DSG4: variants seen among roughly 807,000 people sequenced by gnomAD.
The protein encoded by DSG4 is desmoglein-4.
In DSG4, 87 loss-of-function variants were observed where a neutral mutation model predicts 93.1. The ratio of observed to expected loss-of-function variants is 0.93; its 90% CI spans 0.79 to 1.12. The LOEUF is 1.12. DSG4 is among the 50% of genes most tolerant of loss of function. The probability of loss-of-function intolerance (pLI) is 0.00; values close to 1 mark genes in which losing one functional copy is unlikely to be tolerated. For synonymous variants in DSG4, 432 were observed against 452.9 expected (o/e 0.95, Z 0.59); for missense variants, 1,373 against 1,285.7 (o/e 1.07, Z -1.04).
chr18:31,382,546 A>C (rs1317342190), intron 1 of DSG4: 2 of 152,214 alleles, frequency 1.3e-5, no homozygotes, highest in Non-Finnish European at 2.9e-5. Context: ...TGTGCACTTT[A>C]GGAGGCTGAT....
chr18:31,410,635 C>G (rs1173095122), intron 14 of DSG4, among the ~76,000 whole-genome samples: 1 of 152,074 alleles, frequency 6.6e-6, no homozygotes, highest in Non-Finnish European at 1.5e-5. Flanking sequence ...TCCTATCTTA[C>G]CAGCCCCACG....
At chr18:31,382,566 T>C (rs971442038) in intron 1 of DSG4, 2 of 152,266 alleles carry the variant, frequency 1.3e-5, no homozygotes, top group African/African-American at 4.8e-5. Flanking sequence ...TGTCATTCCA[T>C]GCTTCTTCCA....
At position 31,414,283 on chromosome 18, in the gene DSG4, A is replaced by G. The variant is rs2072531974; in HGVS notation, c.*688A>G. 2 of 151,820 alleles carry G rather than the reference A, an allele frequency of 1.3e-5. No homozygotes were observed. Among genetic ancestry groups the G allele is most frequent in the Admixed American group, 6.5e-5 (1 of 15,272 alleles). The allele number at this position is 151,820 out of a possible 1,614,324, so 9.4% of individuals were successfully genotyped here. A position where few individuals can be genotyped will look rare whatever the true frequency, so the allele number is the denominator to read the frequency against. ...ATGATTAACTGTAAATTAATCTAGAATAGCAAAAAAAAATGACAATCCTAA... is the reference window on the plus strand; with the variant it reads ...ATGATTAACTGTAAATTAATCTAGAGTAGCAAAAAAAAATGACAATCCTAA... On this transcript the variant is annotated 3_prime_UTR_variant, in exon 16 of 16. Coordinates refer to ENST00000308128, the MANE Select transcript of DSG4 (RefSeq NM_177986.5).
At position 31,409,341 on chromosome 18, in the gene DSG4, G is replaced by T. The variant is rs1003283171; in HGVS notation, c.1934-111G>T. 20 of 1,503,052 alleles carry T rather than the reference G, an allele frequency of 1.3e-5. No homozygotes were observed. In the African/African-American group the frequency reaches 2.2e-4, roughly 17 times the overall value. 93.1% of individuals were successfully genotyped at this position (1,503,052 alleles called of 1,614,324 possible). On this transcript the variant is annotated intron_variant, in intron 12 of 15. Coordinates refer to ENST00000308128, the MANE Select transcript of DSG4 (RefSeq NM_177986.5). The stretch of plus-strand genomic sequence containing the variant: ...AAATGAGATTTTCTTACATATATTT[G>T]TATTTTTGTTCTAAATATACTGCCA...
Position 31,392,268 on chromosome 18 carries a change from T to C in DSG4, c.933T>C (p.Ser311=). ...DNWLAQYLIL[S]GNDGNWFDIQ... ...GGTTGGCTCAATATTTAATTCTCTC[T>C]GGAAATGATGGGAATTGGTTCGATA... Residue 311 remains serine, a synonymous_variant, in exon 8 of 16, where the codon TCT becomes TCC. Transcript: ENST00000308128. 6.2e-7 allele frequency: 1 copy of C among 1,613,792 alleles called. No homozygotes were observed. Among genetic ancestry groups the C allele is most frequent in the East Asian group, 2.2e-5 (1 of 44,776 alleles).
chr18:31,380,027 T>A (rs2072117411), intron 1 of DSG4, among the ~76,000 whole-genome samples: 1 of 152,200 alleles, frequency 6.6e-6, no homozygotes. Context: ...GGCTAAGGAA[T>A]TACTAAATGT....
chr18:31,400,689 T>A (rs1036350028), intron 9 of DSG4, among the ~76,000 whole-genome samples, 192 bp from the exon 10 acceptor site: 2 of 152,194 alleles, frequency 1.3e-5, no homozygotes, highest in African/African-American at 4.8e-5. Context: ...TTTTAAAACT[T>A]GCAGACCTGT....
intron 3 of DSG4, among the ~76,000 whole-genome samples, chr18:31,387,286 G>C (rs915262253): frequency 3.3e-5 from 5 of 152,144 alleles, no homozygotes; most frequent in African/African-American, 7.2e-5. Flanking sequence ...TACTGAAAAG[G>C]AAGGAGAGTT....
In DSG4 at chr18:31,413,061, A is replaced by C. The variant is rs148491546; in HGVS notation, c.2589A>C (p.Pro863=). Residue 863 remains proline (P), a synonymous_variant, in exon 16 of 16, where the codon CCA becomes CCC. Transcript: ENST00000308128. ...EPFPSHQACI[P]ISTDLPLLGP... Reference sequence around the variant, plus strand: ...TTCCTTCACACCAGGCTTGTATACCAATCAGTACTGACCTCCCTTTGCTCG... The same window carrying C: ...TTCCTTCACACCAGGCTTGTATACCCATCAGTACTGACCTCCCTTTGCTCG... 979 of 1,614,208 alleles carry C rather than the reference A, an allele frequency of 6.1e-4. 8 individuals are homozygous for C. The East Asian group carries it at 0.013, about 21-fold the overall frequency.
Position 31,411,340 on chromosome 18 carries a change from C to G in DSG4, c.2247C>G (p.Ala749=), listed in dbSNP as rs1272587196. The change falls in exon 15 of 16, where the codon GCC becomes GCG. Residue 749 remains alanine (A), a synonymous_variant. Coordinates refer to ENST00000308128, the MANE Select transcript of DSG4 (RefSeq NM_177986.5). ...CCGTTGGCCTCATGGCCGCAGGGGC[C>G]GCAGGAGCCTCAGGGGCCGCAAGGA... The part of the protein sequence containing the change: ...GTAVGLMAAG[A]AGASGAARKR... 1 of 1,614,052 alleles carries G rather than the reference C, an allele frequency of 6.2e-7. No individual in the cohort carries two copies. Among genetic ancestry groups the G allele is most frequent in the African/African-American group, 1.3e-5 (1 of 74,986 alleles).
intron 11 of DSG4, among the ~76,000 whole-genome samples, chr18:31,404,934 A>T (rs1237653364): frequency 6.6e-5 from 10 of 152,224 alleles, no homozygotes; most frequent in Admixed American, 6.5e-4. Flanking sequence ...CAGGTTTGCC[A>T]ATAAAAAATA....
Position 31,392,388 on chromosome 18 carries a change from A to C in DSG4, c.1005+48A>C, listed in dbSNP as rs1410207805. ...ATTTTCTTCCAAAATATTTTATTCC[A>C]AAGAAGTTTTAAATGACCTTAGAGA... is the stretch of plus-strand genomic sequence containing the variant. On this transcript the variant is annotated intron_variant, in intron 8 of 15. Transcript: ENST00000308128. The C allele has an allele frequency of 1.9e-6, 3 of 1,593,590 alleles. No individual in the cohort carries two copies. In the Admixed American group the frequency reaches 5.1e-5, roughly 27 times the overall value.
In DSG4 at chr18:31,406,375, T is replaced by G; in HGVS notation, c.1933+2T>G. ...TTCTGGGCATCCTGCTACTGATTTG[T>G]AAGTACTCAATTAAATCCTTCTTTT... On this transcript the variant is annotated splice_donor_variant, in intron 12 of 15. Transcript: ENST00000308128. LOFTEE classifies it high-confidence loss of function. The G allele has an allele frequency of 6.2e-7, 1 of 1,614,156 alleles. No individual in the cohort carries two copies. Among genetic ancestry groups the G allele is most frequent in the East Asian group, 2.2e-5 (1 of 44,888 alleles).
intron 1 of DSG4, among the ~76,000 whole-genome samples, chr18:31,377,478 A>T (rs1257068201): frequency 6.6e-6 from 1 of 152,226 alleles, no homozygotes; most frequent in Non-Finnish European, 1.5e-5. Flanking sequence ...ATATTGCTAA[A>T]GAAAAATGAA....
chr18:31,398,604 T>C (rs17660066), intron 8 of DSG4, among the ~76,000 whole-genome samples: 9,055 of 152,300 alleles, frequency 0.059, 277 homozygotes, highest in South Asian at 0.087. Flanking sequence ...TGACTTTTCA[T>C]GTCACCACAT....
intron 7 of DSG4, 101 bp from the exon 8 acceptor site, chr18:31,392,054 G>A (rs112794820): frequency 4.1e-5 from 46 of 1,126,142 alleles, no homozygotes; most frequent in African/African-American, 2.5e-4. Flanking sequence ...AAAAATCATC[G>A]ACATAGTTTG....
intron 9 of DSG4, among the ~76,000 whole-genome samples, chr18:31,400,581 A>T (rs1391968765): frequency 1.3e-5 from 2 of 152,212 alleles, no homozygotes; most frequent in African/African-American, 2.4e-5. Flanking sequence ...TGAATAAAGG[A>T]TGTTTTACAT....
At chr18:31,406,767 T>C (rs1346073425) in intron 12 of DSG4, among the ~76,000 whole-genome samples, 1 of 152,012 alleles carries the variant, frequency 6.6e-6, no homozygotes, top group African/African-American at 2.4e-5. Flanking sequence ...TGAGGATTTT[T>C]TTTTTCTTTT....
Position 31,411,431 on chromosome 18 carries a change from G to A in DSG4, c.2338G>A (p.Asp780Asn), listed in dbSNP as rs1223959858. Residue 780 changes from aspartate (D) to asparagine (N), a missense_variant, in exon 15 of 16, where the codon GAC (aspartate) becomes AAC (asparagine). Transcript: ENST00000308128. ...ADADINMAFL[D>N]SYFSEKAYAY... ...CGCAGACATCAACATGGCTTTCTTGGACAGCTACTTCTCGGAGGTAATGCC... is the reference window on the plus strand; with the variant it reads ...CGCAGACATCAACATGGCTTTCTTGAACAGCTACTTCTCGGAGGTAATGCC... The A allele has an allele frequency of 4.3e-6, 7 of 1,612,070 alleles. No homozygotes were observed. Among genetic ancestry groups the A allele is most frequent in the East Asian group, 2.2e-5 (1 of 44,878 alleles).
Sources: gnomAD v4.1 joint callset for allele counts (sites outside exome capture counted in the v4.1 genomes callset) on GRCh38, gnomAD v4.1.1 for gene constraint, MANE v1.5 for transcripts, NCBI Gene and HGNC (gene_info 2026-07-23, HGNC 2026-07-21) for gene names.